Variants in AGBL3 observed in about 807,000 individuals in gnomAD.
The protein encoded by AGBL3 is cytosolic carboxypeptidase 3.
A neutral mutation model predicts 94.5 loss-of-function variants in AGBL3; 68 were observed. That is an observed-to-expected ratio of 0.72 (90% CI 0.59 to 0.88). The LOEUF is 0.88. Ranked by LOEUF, AGBL3 falls within the 40% of genes least tolerant of loss-of-function variation. AGBL3 has a pLI of 0.00. For synonymous variants in AGBL3, 354 were observed against 370.7 expected, an observed-to-expected ratio of 0.95 and a Z score of 0.52; for missense variants, 934 against 1,103.8, an observed-to-expected ratio of 0.85 and a Z score of 2.18.
At chr7:135,115,671 G>T in intron 16 of AGBL3, 60 bp downstream of exon 16, 3 of 1,325,478 alleles carry the variant, frequency 2.3e-6, no homozygotes, top group South Asian at 1.5e-5. Flanking sequence ...AAAAAAGCAG[G>T]GCTTATTAAT....
At chr7:135,074,231 G>A (rs1820244819) in intron 12 of AGBL3, among the ~76,000 whole-genome samples, 2 of 152,006 alleles carry the variant, frequency 1.3e-5, no homozygotes. Context: ...AAAGCTAGAG[G>A]GAAAAAAGCA....
intron 12 of AGBL3, among the ~76,000 whole-genome samples, chr7:135,073,816 G>C (rs10954481): frequency 0.48 from 73,607 of 151,800 alleles, 18,203 homozygotes; most frequent in South Asian, 0.66. Flanking sequence ...ATGCAAATAA[G>C]CGATTAGGTC....
chr7:134,998,004 T>G (rs1811219521), intron 4 of AGBL3, among the ~76,000 whole-genome samples: 1 of 152,236 alleles, frequency 6.6e-6, no homozygotes, highest in African/African-American at 2.4e-5. Context: ...CTCAGCCCAT[T>G]TTTCATTGAT....
At chr7:135,125,154 A>C (rs1827695906) in intron 16 of AGBL3, among the ~76,000 whole-genome samples, 1 of 152,202 alleles carries the variant, frequency 6.6e-6, no homozygotes, top group Admixed American at 6.5e-5. Context: ...CACTGGCTAG[A>C]CAAATAAAGA....
At chr7:135,106,624 G>T (rs1257710101) in intron 15 of AGBL3, among the ~76,000 whole-genome samples, 1 of 152,152 alleles carries the variant, frequency 6.6e-6, no homozygotes, top group African/African-American at 2.4e-5. Context: ...CAAGTATTTT[G>T]TTGAGGATTT....
At chr7:135,030,550 G>C (rs1397941279) in intron 5 of AGBL3, among the ~76,000 whole-genome samples, 1 of 152,028 alleles carries the variant, frequency 6.6e-6, no homozygotes, top group African/African-American at 2.4e-5. Flanking sequence ...GCCTAGATTT[G>C]GTTATCTTAA....
chr7:135,048,168 G>T (rs1040163328), intron 11 of AGBL3, among the ~76,000 whole-genome samples: 11 of 151,974 alleles, frequency 7.2e-5, no homozygotes, highest in Non-Finnish European at 1.5e-4. Flanking sequence ...TCATATATGT[G>T]TGGTCTTATT....
intron 4 of AGBL3, among the ~76,000 whole-genome samples, chr7:135,006,207 A>AT (rs1218715931): frequency 3.3e-5 from 5 of 151,274 alleles, no homozygotes; most frequent in African/African-American, 1.2e-4. Context: ...ATCTCCTTTT[A>AT]TTTTTTTATT....
chr7:135,015,562 C>A (rs1252534331), intron 4 of AGBL3, among the ~76,000 whole-genome samples: 2 of 149,400 alleles, frequency 1.3e-5, no homozygotes, highest in Non-Finnish European at 3.0e-5. Flanking sequence ...TAATAAACTG[C>A]AAACTTGTCG....
intron 5 of AGBL3, among the ~76,000 whole-genome samples, chr7:135,032,329 G>C (rs901415304): frequency 6.6e-6 from 1 of 151,954 alleles, no homozygotes; most frequent in Non-Finnish European, 1.5e-5. Context: ...TTTTGAGACA[G>C]AGTCTCACTC....
chr7:135,108,503 T>C (rs1171402495), intron 15 of AGBL3, among the ~76,000 whole-genome samples: 1 of 152,144 alleles, frequency 6.6e-6, no homozygotes, highest in Non-Finnish European at 1.5e-5. Context: ...GGGTTCAAAA[T>C]TTTTTTCTTT....
chr7:135,059,045 C>T lies in AGBL3; in HGVS notation c.1842-124C>T, dbSNP rs1050283518. The T allele has an allele frequency of 2.9e-5, 22 of 747,644 alleles. No homozygotes were observed. The African/African-American group carries it at 3.8e-4, about 13-fold the overall frequency. 46.3% of individuals were successfully genotyped at this position (747,644 alleles called of 1,614,324 possible). On this transcript the variant is annotated intron_variant, in intron 11 of 16. Transcript: ENST00000436302. ...GTACTCGGATTACAGGCATGAGTCA[C>T]TGCGCCCGGCCACTTCTTATAATTA...
chr7:134,989,145 T>G, intron 2 of AGBL3, 105 bp from the exon 3 acceptor site: 1 of 717,680 alleles, frequency 1.4e-6, no homozygotes, highest in Non-Finnish European at 2.3e-6. Context: ...TATTAAAGGT[T>G]AAAGACATAT....
At chr7:135,131,894 T>C (rs141618474) in intron 16 of AGBL3, among the ~76,000 whole-genome samples, 179 of 152,256 alleles carry the variant, frequency 1.2e-3, no homozygotes, top group South Asian at 0.011. Context: ...AAAGAGTTAA[T>C]AGAAAACACT....
At chr7:135,027,165 C>T (rs1446732340) in intron 5 of AGBL3, among the ~76,000 whole-genome samples, 1 of 151,516 alleles carries the variant, frequency 6.6e-6, no homozygotes, top group Non-Finnish European at 1.5e-5. Flanking sequence ...TCTCCCACCT[C>T]AGCCTCCTGA....
intron 15 of AGBL3, among the ~76,000 whole-genome samples, chr7:135,105,697 T>A (rs1005511152): frequency 1.3e-5 from 2 of 152,202 alleles, no homozygotes; most frequent in African/African-American, 4.8e-5. Context: ...TTGCTTAGGA[T>A]TGCCTTTGCT....
intron 11 of AGBL3, among the ~76,000 whole-genome samples, chr7:135,046,365 C>G (rs190274166): frequency 6.6e-6 from 1 of 152,156 alleles, no homozygotes; most frequent in Admixed American, 6.6e-5. Context: ...AGGCTTCACT[C>G]TTGGTGTTAA....
chr7:135,077,987 T>C (rs1820612164), intron 13 of AGBL3, among the ~76,000 whole-genome samples: 1 of 152,204 alleles, frequency 6.6e-6, no homozygotes, highest in South Asian at 2.1e-4. Flanking sequence ...AGCCCTCTCC[T>C]GCCCACTGAT....
At chr7:134,992,457 A>T (rs1810416479) in intron 3 of AGBL3, among the ~76,000 whole-genome samples, 1 of 152,198 alleles carries the variant, frequency 6.6e-6, no homozygotes, top group Admixed American at 6.5e-5. Context: ...CACTGAAATT[A>T]TCTTGTTTTC....
Sources: allele counts gnomAD v4.1 joint callset (sites outside exome capture counted in the v4.1 genomes callset), GRCh38; gene constraint gnomAD v4.1.1; transcripts MANE v1.5; gene names NCBI Gene and HGNC (gene_info 2026-07-23, HGNC 2026-07-21).